Variants in MARCHF1 observed in about 807,000 individuals in gnomAD.
MARCHF1 encodes the protein membrane associated ring-CH-type finger 1.
A neutral mutation model predicts 54.2 loss-of-function variants in MARCHF1; 40 were observed. That is an observed-to-expected ratio of 0.74 (90% confidence interval 0.57 to 0.96). The LOEUF (loss-of-function observed/expected upper bound fraction) is 0.96. MARCHF1 is among the 40% of genes least tolerant of loss of function. MARCHF1 has a pLI of 0.00. For synonymous variants in MARCHF1, 236 were observed against 236.3 expected (o/e 1.00, Z 0.01); for missense variants, 586 against 656.5 (o/e 0.89, Z 1.17).
chr4:163,563,593 C>T (rs1739543649), intron 8 of MARCHF1, among the ~76,000 whole-genome samples: 1 of 152,232 alleles, frequency 6.6e-6, no homozygotes, highest in Admixed American at 6.5e-5. Flanking sequence ...TTGGACATCA[C>T]ATTGATTTGA....
rs1734244246 is a variant in MARCHF1, at chr4:164,289,818, C to T, written c.-323+94052G>A. 2.0e-5 allele frequency among the ~76,000 whole-genome samples: 3 copies of T among 151,982 alleles called. No individual in the cohort carries two copies. In the South Asian group the frequency reaches 6.2e-4, roughly 31 times the overall value. On this transcript the variant is annotated intron_variant, in intron 1 of 9. Transcript: ENST00000514618. ...GTGACTTATCAAAGTGGTTCAGTGG[C>T]TTTGATCAAAGATCAAAATATTCAG...
chr4:164,241,396 G>T (rs937887709), intron 1 of MARCHF1, among the ~76,000 whole-genome samples: 1 of 152,008 alleles, frequency 6.6e-6, no homozygotes, highest in East Asian at 1.9e-4. Flanking sequence ...TTGGCCCAGC[G>T]ATCACTCAGC....
chr4:163,706,082 CATT>C (rs1382186644), intron 4 of MARCHF1, among the ~76,000 whole-genome samples: 1 of 152,072 alleles, frequency 6.6e-6, no homozygotes, highest in Admixed American at 6.6e-5. Flanking sequence ...TTCACAGTGG[CATT>C]ATATCTCCCA....
In MARCHF1 at chr4:164,131,004, TC is replaced by T. The variant is rs1039879358; in HGVS notation, c.-322-19343del. Among the ~76,000 whole-genome samples the T allele has an allele frequency of 9.9e-5, 15 of 152,280 alleles. No individual in the cohort carries two copies. The East Asian group carries it at 1.9e-3, about 20-fold the overall frequency. On this transcript the variant is annotated intron_variant, in intron 1 of 9. Transcript: ENST00000514618. ...GATTTTGTAAAATAACCTGACTCATTCCCCTCTTTGGGATTTAAACATGATT... is the reference window on the plus strand; with the variant it reads ...GATTTTGTAAAATAACCTGACTCATTCCCTCTTTGGGATTTAAACATGATT...
At chr4:164,310,367 C>T (rs111997732) in intron 1 of MARCHF1, among the ~76,000 whole-genome samples, 1 of 152,192 alleles carries the variant, frequency 6.6e-6, no homozygotes. Flanking sequence ...TGAGCCACCA[C>T]GCCTGGCCAC....
intron 3 of MARCHF1, among the ~76,000 whole-genome samples, chr4:163,970,357 C>T (rs1752524842): frequency 6.6e-6 from 1 of 152,096 alleles, no homozygotes; most frequent in Non-Finnish European, 1.5e-5. Flanking sequence ...GCCTTGGGGC[C>T]ACTCAGGCCA....
intron 9 of MARCHF1, among the ~76,000 whole-genome samples, chr4:163,544,645 T>C (rs1343238285): frequency 1.3e-5 from 2 of 152,232 alleles, no homozygotes; most frequent in South Asian, 2.1e-4. Flanking sequence ...CACGCAGAAA[T>C]GCAGAAGTAA....
intron 1 of MARCHF1, among the ~76,000 whole-genome samples, chr4:164,345,169 T>C (rs1050860036): frequency 4.6e-5 from 7 of 152,316 alleles, no homozygotes; most frequent in Admixed American, 1.3e-4. Context: ...AATGTTGATA[T>C]GATGGCTATG....
intron 1 of MARCHF1, among the ~76,000 whole-genome samples, chr4:164,275,664 T>C (rs958866218): frequency 6.7e-5 from 10 of 150,278 alleles, no homozygotes; most frequent in Admixed American, 4.1e-4. Context: ...TTGTCATGCA[T>C]TGTTAATGTA....
At chr4:164,325,782 A>G (rs1039539111) in intron 1 of MARCHF1, among the ~76,000 whole-genome samples, 2 of 152,092 alleles carry the variant, frequency 1.3e-5, no homozygotes, top group Admixed American at 6.6e-5. Context: ...CCTAAATTGT[A>G]TAGAAATATG....
intron 4 of MARCHF1, among the ~76,000 whole-genome samples, chr4:163,834,041 T>G (rs1240112548): frequency 1.3e-5 from 2 of 152,310 alleles, no homozygotes; most frequent in South Asian, 4.1e-4. Flanking sequence ...TGTTGTCTTG[T>G]TATATTTAAA....
At chr4:164,043,306 A>C (rs1437220320) in intron 2 of MARCHF1, among the ~76,000 whole-genome samples, 1 of 152,150 alleles carries the variant, frequency 6.6e-6, no homozygotes, top group Non-Finnish European at 1.5e-5. Context: ...CTGAAATCTA[A>C]GTGGAGATTC....
At chr4:163,995,053 G>A (rs1156511728) in intron 2 of MARCHF1, among the ~76,000 whole-genome samples, 1 of 151,938 alleles carries the variant, frequency 6.6e-6, no homozygotes, top group African/African-American at 2.4e-5. Context: ...AGTTCTACCT[G>A]GAGATAGTAT....
At chr4:164,314,129 A>C (rs1198013411) in intron 1 of MARCHF1, among the ~76,000 whole-genome samples, 1 of 152,158 alleles carries the variant, frequency 6.6e-6, no homozygotes, top group African/African-American at 2.4e-5. Context: ...TGTTCTGCTG[A>C]TTGTCTTCTC....
intron 4 of MARCHF1, among the ~76,000 whole-genome samples, chr4:163,793,427 T>C (rs763729851): frequency 6.6e-6 from 1 of 152,192 alleles, no homozygotes; most frequent in Non-Finnish European, 1.5e-5. Flanking sequence ...TCTCCAATTG[T>C]GAGATTTTCC....
At chr4:163,664,684 G>A (rs1465130196) in intron 5 of MARCHF1, among the ~76,000 whole-genome samples, 1 of 151,936 alleles carries the variant, frequency 6.6e-6, no homozygotes, top group Non-Finnish European at 1.5e-5. Flanking sequence ...ATTATATATA[G>A]GGCTTAGGAC....
Position 164,023,728 on chromosome 4 carries a change from TAAAC to T in MARCHF1, c.-247-35023_-247-35020del, listed in dbSNP as rs1056482265. On this transcript the variant is annotated intron_variant, in intron 2 of 9. Transcript: ENST00000514618. ...CCACTAGCTTCCCAGCAGTAGTTCT[TAAAC>T]AGACTGAATGAATGAAATGACAGAC... Among the ~76,000 whole-genome samples, 99 of 152,198 alleles carry T rather than the reference TAAAC, an allele frequency of 6.5e-4. 1 individual carries two copies. Among genetic ancestry groups the T allele is most frequent in the African/African-American group, 2.2e-3 (93 of 41,530 alleles).
intron 4 of MARCHF1, among the ~76,000 whole-genome samples, 173 bp downstream of exon 4, chr4:163,853,848 G>A (rs1235772576): frequency 2.0e-5 from 3 of 152,036 alleles, no homozygotes; most frequent in African/African-American, 7.2e-5. Flanking sequence ...TGTCACTAAG[G>A]TATTTTTATT....
chr4:163,771,822 C>A (rs1747169641), intron 4 of MARCHF1, among the ~76,000 whole-genome samples: 1 of 152,172 alleles, frequency 6.6e-6, no homozygotes, highest in Non-Finnish European at 1.5e-5. Context: ...GTTACATTTT[C>A]CCCCTTTCAG....
Sources: gnomAD v4.1 joint callset for allele counts (sites outside exome capture counted in the v4.1 genomes callset) on GRCh38, gnomAD v4.1.1 for gene constraint, MANE v1.5 for transcripts, NCBI Gene and HGNC (gene_info 2026-07-23, HGNC 2026-07-21) for gene names.